Variants in TAOK1 observed in about 807,000 individuals in gnomAD.
The protein encoded by TAOK1 is TAO kinase 1, also known as serine/threonine-protein kinase TAO1.
Under a neutral mutation model 138.3 loss-of-function variants are expected in TAOK1, and 21 were observed. The ratio of observed to expected loss-of-function variants is 0.15; its 90% CI spans 0.11 to 0.22. TAOK1 has a LOEUF of 0.22. Ranked by LOEUF, TAOK1 falls within the 10% of genes least tolerant of loss-of-function variation. TAOK1 has a pLI of 1.00. For synonymous variants in TAOK1, 361 were observed against 398.4 expected, an observed-to-expected ratio of 0.91 and a Z score of 1.12; for missense variants, 651 against 1,227.7, an observed-to-expected ratio of 0.53 and a Z score of 7.02.
intron 1 of TAOK1, among the ~76,000 whole-genome samples, chr17:29,436,349 T>C (rs1906030823): frequency 6.6e-6 from 1 of 152,168 alleles, no homozygotes; most frequent in African/African-American, 2.4e-5. Context: ...ATCAGCAATA[T>C]TCCAGCCAAA....
chr17:29,405,139 C>T (rs1403247994), intron 1 of TAOK1, among the ~76,000 whole-genome samples: 1 of 152,020 alleles, frequency 6.6e-6, no homozygotes, highest in Non-Finnish European at 1.5e-5. Flanking sequence ...GCCACCAGGC[C>T]CAGCTTATTT....
At chr17:29,436,705 C>A (rs9910734) in intron 1 of TAOK1, among the ~76,000 whole-genome samples, 36,146 of 152,052 alleles carry the variant, frequency 0.24, 4,894 homozygotes, top group East Asian at 0.65. Context: ...ATAGCAAATA[C>A]GGAGACATTA....
chr17:29,432,546 G>A (rs1352730041), intron 1 of TAOK1, among the ~76,000 whole-genome samples: 2 of 152,170 alleles, frequency 1.3e-5, no homozygotes, highest in Non-Finnish European at 2.9e-5. Flanking sequence ...TGGACAGGCT[G>A]GTCTCAAACT....
rs2032481760 is a variant in TAOK1, at chr17:29,550,929, C to G, written c.*7907C>G. ...TCCATTTGCATTATTTGTGCAAATG[C>G]CAGGGTTGGTTTTTATTTTTATTTT... On this transcript the variant is annotated 3_prime_UTR_variant, in exon 20 of 20. Transcript: ENST00000261716. 3 of 152,308 alleles carry G rather than the reference C, an allele frequency of 2.0e-5. No homozygotes were observed. The South Asian group carries it at 6.2e-4, about 32-fold the overall frequency. 9.4% of individuals were successfully genotyped at this position (152,308 alleles called of 1,614,324 possible).
At chr17:29,445,300 G>A (rs12452156) in intron 1 of TAOK1, 98,260 of 152,218 alleles carry the variant, frequency 0.65, 33,589 homozygotes, top group East Asian at 0.97. Context: ...TTTAAAATGT[G>A]CAAATATGGA....
chr17:29,486,981 G>C (rs1422229760), intron 8 of TAOK1, among the ~76,000 whole-genome samples: 1 of 152,122 alleles, frequency 6.6e-6, no homozygotes, highest in Admixed American at 6.5e-5. Context: ...AGTTGCTGTG[G>C]CTCATGCCTG....
intron 1 of TAOK1, among the ~76,000 whole-genome samples, chr17:29,442,148 TCCTCCCA>T (rs1215774788): frequency 2.6e-5 from 4 of 151,740 alleles, no homozygotes; most frequent in Admixed American, 2.6e-4. Context: ...GCTCAAGCAA[TCCTCCCA>T]CCTCAACCTC....
intron 2 of TAOK1, among the ~76,000 whole-genome samples, chr17:29,456,860 A>C (rs551582375): frequency 1.3e-5 from 2 of 149,772 alleles, no homozygotes; most frequent in Non-Finnish European, 2.9e-5. Context: ...CAGCCCCCCA[A>C]GTAGCTGGGA....
At chr17:29,538,245 C>A (rs564059) in intron 19 of TAOK1, among the ~76,000 whole-genome samples, 29,938 of 151,434 alleles carry the variant, frequency 0.2, 3,738 homozygotes, top group Non-Finnish European at 0.27. Context: ...TTTTAAAAGA[C>A]AAATCCTACT....
intron 1 of TAOK1, among the ~76,000 whole-genome samples, chr17:29,432,771 G>A (rs1905887194): frequency 1.3e-5 from 2 of 149,206 alleles, no homozygotes; most frequent in South Asian, 4.2e-4. Context: ...CACCACACCT[G>A]TCCAAATTTT....
intron 12 of TAOK1, among the ~76,000 whole-genome samples, chr17:29,499,532 G>A (rs1193398939): frequency 3.5e-5 from 5 of 143,348 alleles, no homozygotes; most frequent in Admixed American, 2.1e-4. Context: ...GCGCCAAGAC[G>A]TTTATATCTT....
At chr17:29,521,418 T>C (rs2031915074) in intron 16 of TAOK1, among the ~76,000 whole-genome samples, 1 of 152,256 alleles carries the variant, frequency 6.6e-6, no homozygotes, top group African/African-American at 2.4e-5. Context: ...TTTTTGTTTA[T>C]TAACTGATTT....
chr17:29,468,506 T>C (rs149547033), intron 3 of TAOK1, among the ~76,000 whole-genome samples: 1,623 of 152,034 alleles, frequency 0.011, 36 homozygotes, highest in African/African-American at 0.037. Context: ...TCTAAAAAAT[T>C]AAAGTAAAAT....
At chr17:29,529,071 A>G (rs2032061504) in intron 17 of TAOK1, among the ~76,000 whole-genome samples, 1 of 151,380 alleles carries the variant, frequency 6.6e-6, no homozygotes, top group Middle Eastern at 3.4e-3. Context: ...TCCTGGGCTC[A>G]AGTGATCCTT....
chr17:29,395,907 A>G lies in TAOK1; in HGVS notation c.-95+4883A>G, dbSNP rs557355969. Among the ~76,000 whole-genome samples, 398 of 135,760 alleles carry G rather than the reference A, an allele frequency of 2.9e-3. 2 individuals carry two copies. The highest frequency in any genetic ancestry group is 9.9e-3 in the South Asian group (44 of 4,436). The allele number at this position is 135,760 out of a possible 152,430, so 89.1% of individuals were successfully genotyped here. On this transcript the variant is annotated intron_variant, in intron 1 of 19. Coordinates refer to ENST00000261716, the MANE Select transcript of TAOK1 (RefSeq NM_020791.4). Reference sequence around the variant, plus strand: ...GGTCTTGAACTCCTCAGCTCCAGCTATCTACCTGCCTTGGCCTCCCAAAGT... The same window carrying G: ...GGTCTTGAACTCCTCAGCTCCAGCTGTCTACCTGCCTTGGCCTCCCAAAGT...
intron 1 of TAOK1, among the ~76,000 whole-genome samples, chr17:29,420,734 C>T (rs573048047): frequency 2.0e-5 from 3 of 151,752 alleles, no homozygotes; most frequent in South Asian, 2.1e-4. Flanking sequence ...TACAGGCATG[C>T]GCCAGCATGC....
intron 1 of TAOK1, among the ~76,000 whole-genome samples, chr17:29,397,607 C>CA (rs1555555318): frequency 5.3e-5 from 5 of 94,616 alleles, no homozygotes; most frequent in Admixed American, 2.2e-4. Context: ...CGTCCCCCCC[C>CA]AAAAAAATAT....
chr17:29,478,023 A>G (rs2030983041), intron 5 of TAOK1, among the ~76,000 whole-genome samples: 1 of 152,150 alleles, frequency 6.6e-6, no homozygotes, highest in Admixed American at 6.6e-5. Context: ...TTTTTACATC[A>G]CCAAATAATT....
chr17:29,413,456 C>G (rs1256242225), intron 1 of TAOK1, among the ~76,000 whole-genome samples: 1 of 151,956 alleles, frequency 6.6e-6, no homozygotes, highest in Non-Finnish European at 1.5e-5. Context: ...ATTAGCTGGG[C>G]ATGGTGGCAT....
Sources: allele counts gnomAD v4.1 joint callset (sites outside exome capture counted in the v4.1 genomes callset), GRCh38; gene constraint gnomAD v4.1.1; transcripts MANE v1.5; gene names NCBI Gene and HGNC (gene_info 2026-07-23, HGNC 2026-07-21).